Variants in CDS2 observed in about 807,000 individuals in gnomAD.
CDS2 encodes phosphatidate cytidylyltransferase 2.
In CDS2, 47 loss-of-function variants were observed where a neutral mutation model predicts 59.0. The observed-to-expected ratio is 0.80, with a 90% CI of 0.63 to 1.02. CDS2 has a LOEUF of 1.02. Ranked by LOEUF, CDS2 falls within the 50% of genes least tolerant of loss-of-function variation. The pLI is 0.00. For missense variants in CDS2, 356 were observed against 558.9 expected (o/e 0.64, Z 3.66); for synonymous variants, 207 against 206.4 (o/e 1.00, Z -0.02).
chr20:5,135,430 G>C lies in CDS2; in HGVS notation c.57+8281G>C, dbSNP rs80204602. 2.6e-5 allele frequency among the ~76,000 whole-genome samples: 4 copies of C among 151,366 alleles called. No individual in the cohort carries two copies. In the South Asian group the frequency reaches 8.3e-4, roughly 31 times the overall value. On this transcript the variant is annotated intron_variant, in intron 1 of 12. Coordinates refer to ENST00000460006, the MANE Select transcript of CDS2 (RefSeq NM_003818.4). ...CTGGACTGGCACTAGAGGCTGTTGG[G>C]GGTGAAAAAGTACAGCTGTTTGTGT...
chr20:5,178,144 TGAG>T (rs1730477679), intron 4 of CDS2, among the ~76,000 whole-genome samples: 1 of 152,112 alleles, frequency 6.6e-6, no homozygotes, highest in African/African-American at 2.4e-5. Context: ...GAACGCCAGT[TGAG>T]GAGAGAGAAT....
rs142711745 is a variant in CDS2, at chr20:5,190,051, T to C, written c.1206-51T>C. The C allele has an allele frequency of 8.8e-6, 14 of 1,598,810 alleles. No individual in the cohort carries two copies. The East Asian group carries it at 2.5e-4, about 28-fold the overall frequency. On this transcript the variant is annotated intron_variant, in intron 12 of 12. Coordinates refer to ENST00000460006, the MANE Select transcript of CDS2 (RefSeq NM_003818.4). ...AGCAGCCACTCAGATAATCAGGCCC[T>C]GGAAGCTTCCGGGCCCTAGCTCAGT...
intron 1 of CDS2, among the ~76,000 whole-genome samples, chr20:5,161,491 G>A (rs2090876397): frequency 6.6e-6 from 1 of 152,170 alleles, no homozygotes; most frequent in Admixed American, 6.5e-5. Context: ...AGAGTCCCAA[G>A]GATTCAATCA....
chr20:5,179,076 G>T, intron 5 of CDS2, 120 bp downstream of exon 5: 1 of 901,628 alleles, frequency 1.1e-6, no homozygotes, highest in Non-Finnish European at 1.8e-6. Context: ...TGACCATGCA[G>T]GGGAGCAGAG....
intron 1 of CDS2, among the ~76,000 whole-genome samples, chr20:5,154,274 A>G (rs1016584889): frequency 6.6e-6 from 1 of 152,166 alleles, no homozygotes; most frequent in Non-Finnish European, 1.5e-5. Context: ...TGGGCTGTGA[A>G]GTGTTCACTG....
At chr20:5,127,257 C>T in intron 1 of CDS2, 108 bp downstream of exon 1, 4 of 1,040,682 alleles carry the variant, frequency 3.8e-6, no homozygotes, top group Non-Finnish European at 5.1e-6. Flanking sequence ...TTGTCGCAGC[C>T]GACGGCGGCC....
chr20:5,145,234 A>AG (rs2090730879), intron 1 of CDS2, among the ~76,000 whole-genome samples: 2 of 104,636 alleles, frequency 1.9e-5, no homozygotes, highest in Admixed American at 9.4e-5. Flanking sequence ...TAGAAAGGAA[A>AG]GACCCCCCCC....
chr20:5,155,813 G>A (rs936414200), intron 1 of CDS2, among the ~76,000 whole-genome samples: 2 of 152,160 alleles, frequency 1.3e-5, no homozygotes, highest in East Asian at 1.9e-4. Flanking sequence ...CCCATAGACA[G>A]CAATCACAGG....
intron 5 of CDS2, among the ~76,000 whole-genome samples, chr20:5,180,751 T>C (rs569420437): frequency 6.6e-6 from 1 of 152,292 alleles, no homozygotes; most frequent in East Asian, 1.9e-4. Context: ...ATGGAGTTGC[T>C]CTAGCTCAAA....
intron 1 of CDS2, among the ~76,000 whole-genome samples, chr20:5,168,342 G>C (rs2090928026): frequency 6.6e-6 from 1 of 150,720 alleles, no homozygotes; most frequent in East Asian, 2.0e-4. Context: ...TTGAACCCGG[G>C]AGGTGGAGGC....
rs375094186 is a variant in CDS2 at position 5,176,866 on chromosome 20, TATC to T, written c.389+124_389+126del. 902 of 739,678 alleles carry T rather than the reference TATC, an allele frequency of 1.2e-3. 13 individuals carry two copies. The highest frequency in any genetic ancestry group is 0.012 in the South Asian group (810 of 67,468). The allele number at this position is 739,678 out of a possible 1,614,324, so 45.8% of individuals were successfully genotyped here. ...TAGAGATAAATGCTGGAGAGGCAGT[TATC>T]ATGTTAGGTCATACAAAGTTTCATG... On this transcript the variant is annotated intron_variant, in intron 4 of 12. Coordinates refer to ENST00000460006, the MANE Select transcript of CDS2 (RefSeq NM_003818.4).
At chr20:5,169,487 C>G (rs1289579689) in intron 1 of CDS2, among the ~76,000 whole-genome samples, 1 of 152,188 alleles carries the variant, frequency 6.6e-6, no homozygotes, top group East Asian at 1.9e-4. Context: ...TTAATTAGCT[C>G]ATTAGTTCAA....
intron 1 of CDS2, among the ~76,000 whole-genome samples, chr20:5,130,903 A>G (rs563367654): frequency 1.5e-3 from 228 of 150,272 alleles, no homozygotes; most frequent in Admixed American, 3.1e-3. Context: ...CATCCTGGCT[A>G]ACATGGTGAA....
intron 1 of CDS2, among the ~76,000 whole-genome samples, chr20:5,149,624 A>G (rs936228068): frequency 6.6e-6 from 1 of 151,370 alleles, no homozygotes; most frequent in African/African-American, 2.4e-5. Flanking sequence ...CTGGTCTGAA[A>G]CTCCTGGGTT....
intron 1 of CDS2, among the ~76,000 whole-genome samples, chr20:5,130,742 C>T (rs566696068): frequency 2.5e-4 from 37 of 150,536 alleles, no homozygotes; most frequent in Admixed American, 2.1e-3. Flanking sequence ...GAGATTGCGC[C>T]GTTGCACTCC....
In CDS2 at chr20:5,173,633, T is replaced by C. The variant is rs1403664961; in HGVS notation, c.168T>C (p.Asn56=). The C allele has an allele frequency of 8.7e-6, 14 of 1,614,030 alleles. No homozygotes were observed. Among genetic ancestry groups the C allele is most frequent in the African/African-American group, 1.3e-5 (1 of 74,916 alleles). ...CAGATGATACCCCGGAGGTCCTCAATAGGGCCCTTTCCAACTTGTCTTCAA... is the reference window on the plus strand; with the variant it reads ...CAGATGATACCCCGGAGGTCCTCAACAGGGCCCTTTCCAACTTGTCTTCAA... The part of the protein sequence containing the change: ...VSADDTPEVL[N]RALSNLSSRW... The change falls in exon 2 of 13, where the codon AAT becomes AAC. Residue 56 remains asparagine (N), a synonymous_variant. Transcript: ENST00000460006.
At chr20:5,186,197 C>A (rs1265772269) in intron 9 of CDS2, among the ~76,000 whole-genome samples, 1 of 152,224 alleles carries the variant, frequency 6.6e-6, no homozygotes. Flanking sequence ...TTCCAGAGCA[C>A]CATTCTCTGC....
chr20:5,184,575 T>C lies in CDS2; in HGVS notation c.672-283T>C, dbSNP rs1176716667. Among the ~76,000 whole-genome samples the C allele has an allele frequency of 6.6e-6, 1 of 152,216 alleles. No homozygotes were observed. On this transcript the variant is annotated intron_variant, in intron 7 of 12. Transcript: ENST00000460006. This position sits in a 1 kb window ranked among gnomAD's most constrained non-coding sequence, Gnocchi z 4.3. ...TCCTTTTACAATTAAATTTCTCTCATTGTTTACGTATATTTCTTTATCATG... is the reference window on the plus strand; with the variant it reads ...TCCTTTTACAATTAAATTTCTCTCACTGTTTACGTATATTTCTTTATCATG...
chr20:5,196,778 T>C lies in CDS2; in HGVS notation c.*6544T>C, dbSNP rs1389587078. 6.6e-6 allele frequency: 1 copy of C among 152,406 alleles called. No individual in the cohort carries two copies. Among genetic ancestry groups the C allele is most frequent in the African/African-American group, 2.4e-5 (1 of 41,448 alleles). 9.4% of individuals were successfully genotyped at this position (152,406 alleles called of 1,614,324 possible). A position where few individuals can be genotyped will look rare whatever the true frequency, so the allele number is the denominator to read the frequency against. On this transcript the variant is annotated 3_prime_UTR_variant, in exon 13 of 13. Transcript: ENST00000460006. ...TCTGGCCTTTAGTAAACTGTTTTTC[T>C]GTCTTACGTCATGCTGACTGGGTGC...
Sources: allele counts gnomAD v4.1 joint callset (sites outside exome capture counted in the v4.1 genomes callset), GRCh38; gene constraint gnomAD v4.1.1; non-coding constraint Gnocchi (gnomAD v3.1); transcripts MANE v1.5; gene names NCBI Gene and HGNC (gene_info 2026-07-23, HGNC 2026-07-21).